Variants in INPP4B observed in about 807,000 individuals in gnomAD.
The protein encoded by INPP4B is inositol polyphosphate-4-phosphatase type II B, also known as inositol polyphosphate 4-phosphatase type II.
INPP4B carries 55 observed loss-of-function variants against 122.5 expected under a neutral mutation model. The observed-to-expected ratio is 0.45, with a 90% confidence interval of 0.36 to 0.56. INPP4B has a LOEUF of 0.56. INPP4B is among the 20% of genes least tolerant of loss of function. The pLI is 0.00. For synonymous variants in INPP4B, 403 were observed against 388.7 expected (o/e 1.04, Z -0.43); for missense variants, 1,000 against 1,097.7 (o/e 0.91, Z 1.26).
At chr4:142,336,375 G>C (rs566075816) in intron 7 of INPP4B, among the ~76,000 whole-genome samples, 2 of 152,308 alleles carry the variant, frequency 1.3e-5, no homozygotes, top group East Asian at 1.9e-4. Flanking sequence ...GGAGCAAAAA[G>C]AGCAGTCACA....
chr4:142,444,915 C>G (rs114980397), intron 3 of INPP4B, among the ~76,000 whole-genome samples: 2 of 152,004 alleles, frequency 1.3e-5, no homozygotes, highest in African/African-American at 2.4e-5. Context: ...CACACAGCCA[C>G]GAAAAACCAA....
At chr4:142,075,230 T>C (rs1284243173) in intron 25 of INPP4B, among the ~76,000 whole-genome samples, 1 of 151,986 alleles carries the variant, frequency 6.6e-6, no homozygotes, top group Non-Finnish European at 1.5e-5. Flanking sequence ...GACGACCACA[T>C]ATTTCTATTA....
intron 12 of INPP4B, among the ~76,000 whole-genome samples, chr4:142,214,780 T>C (rs570577517): frequency 4.9e-4 from 74 of 152,306 alleles, no homozygotes; most frequent in African/African-American, 1.7e-3. Flanking sequence ...CTCGAACTCC[T>C]GACCTCAGGT....
intron 6 of INPP4B, 96 bp downstream of exon 6, chr4:142,405,110 G>A: frequency 1.5e-6 from 1 of 686,800 alleles, no homozygotes; most frequent in Non-Finnish European, 2.6e-6. Flanking sequence ...CCAGAGATGG[G>A]GCGGGGGTGG....
chr4:142,842,954 A>G (rs1218853365), intron 1 of INPP4B, among the ~76,000 whole-genome samples: 1 of 143,114 alleles, frequency 7.0e-6, no homozygotes, highest in East Asian at 2.0e-4. Context: ...AAATATACAT[A>G]TATAAATTAT....
intron 25 of INPP4B, among the ~76,000 whole-genome samples, chr4:142,034,157 C>T (rs1029427133): frequency 6.6e-5 from 10 of 152,168 alleles, no homozygotes; most frequent in African/African-American, 2.4e-4. Context: ...ATAAATATAT[C>T]AACTATAACC....
intron 2 of INPP4B, among the ~76,000 whole-genome samples, chr4:142,637,859 G>C (rs1749516382): frequency 6.6e-6 from 1 of 152,102 alleles, no homozygotes; most frequent in South Asian, 2.1e-4. Context: ...ACCGACATTT[G>C]GCGTTGTCAG....
At chr4:142,394,805 CT>C (rs1262283058) in intron 7 of INPP4B, among the ~76,000 whole-genome samples, 2 of 152,072 alleles carry the variant, frequency 1.3e-5, no homozygotes, top group Admixed American at 6.5e-5. Flanking sequence ...GTGTAGAAGC[CT>C]TTGATGCAAT....
chr4:142,316,577 A>C (rs1374122324), intron 7 of INPP4B, among the ~76,000 whole-genome samples: 1 of 152,306 alleles, frequency 6.6e-6, no homozygotes, highest in Non-Finnish European at 1.5e-5. Context: ...TATGTGTACT[A>C]TTATATACAT....
intron 1 of INPP4B, among the ~76,000 whole-genome samples, chr4:142,825,643 G>A (rs1781368132): frequency 1.3e-5 from 2 of 152,106 alleles, no homozygotes; most frequent in African/African-American, 2.4e-5. Flanking sequence ...TTTGTGCATA[G>A]CACCTAGAGA....
At chr4:142,632,659 A>T (rs1331368429) in intron 2 of INPP4B, among the ~76,000 whole-genome samples, 2 of 152,088 alleles carry the variant, frequency 1.3e-5, no homozygotes, top group African/African-American at 4.8e-5. Context: ...AAAAAGAATT[A>T]AATACCCAAT....
chr4:142,180,225 T>C (rs992126486), intron 15 of INPP4B, among the ~76,000 whole-genome samples: 42 of 152,180 alleles, frequency 2.8e-4, no homozygotes, highest in Admixed American at 1.2e-3. Flanking sequence ...TCATTTTTAT[T>C]CTAGACAAAC....
At position 142,548,109 on chromosome 4, in the gene INPP4B, AACAG is replaced by A. The variant is rs2150064761; in HGVS notation, c.-190-85387_-190-85384del. On this transcript the variant is annotated intron_variant, in intron 2 of 25. Coordinates refer to ENST00000262992, the MANE Select transcript of INPP4B (RefSeq NM_001101669.3). ...TTAAGCTTGGAGAGAAGCCCAAATG[AACAG>A]CTTTGAAAGTAGACAATCTCTCCAA... Among the ~76,000 whole-genome samples the A allele has an allele frequency of 2.0e-5, 3 of 152,324 alleles. No individual in the cohort carries two copies. In the South Asian group the frequency reaches 6.2e-4, roughly 32 times the overall value.
At chr4:142,206,542 A>T (rs142269345) in intron 14 of INPP4B, among the ~76,000 whole-genome samples, 125 of 152,150 alleles carry the variant, frequency 8.2e-4, no homozygotes, top group African/African-American at 2.8e-3. Context: ...CTAGAAAACA[A>T]TAAAGTTTAA....
chr4:142,727,698 T>C (rs1041056344), intron 1 of INPP4B, among the ~76,000 whole-genome samples: 1 of 152,056 alleles, frequency 6.6e-6, no homozygotes, highest in Non-Finnish European at 1.5e-5. Context: ...CTGGGCAACA[T>C]GGCAAGGCAC....
intron 2 of INPP4B, among the ~76,000 whole-genome samples, chr4:142,495,111 C>G (rs918899740): frequency 6.6e-6 from 1 of 152,094 alleles, no homozygotes; most frequent in Non-Finnish European, 1.5e-5. Context: ...CAATGTAGTA[C>G]TTTCATTAAA....
intron 17 of INPP4B, among the ~76,000 whole-genome samples, chr4:142,159,683 G>A (rs1357657272): frequency 2.0e-5 from 3 of 151,930 alleles, no homozygotes; most frequent in Non-Finnish European, 4.4e-5. Context: ...TAATTTATAT[G>A]TATCGATTCA....
intron 2 of INPP4B, among the ~76,000 whole-genome samples, chr4:142,700,615 G>A (rs1016790074): frequency 1.3e-5 from 2 of 152,086 alleles, no homozygotes; most frequent in Non-Finnish European, 2.9e-5. Flanking sequence ...AAAACAGCTA[G>A]TCATTGTACA....
At chr4:142,218,986 A>G (rs17015754) in intron 12 of INPP4B, among the ~76,000 whole-genome samples, 21,459 of 152,186 alleles carry the variant, frequency 0.14, 1,854 homozygotes, top group African/African-American at 0.24. Flanking sequence ...AATTCAAAAT[A>G]TCTGTGCTTT....
Sources: allele counts gnomAD v4.1 joint callset (sites outside exome capture counted in the v4.1 genomes callset), GRCh38; gene constraint gnomAD v4.1.1; transcripts MANE v1.5; gene names NCBI Gene and HGNC (gene_info 2026-07-23, HGNC 2026-07-21).